SMARCA1: variants seen among roughly 807,000 people sequenced by gnomAD.
SMARCA1 encodes the protein SWI/SNF-related matrix-associated actin-dependent regulator of chromatin subfamily A member 1.
In SMARCA1, 17 loss-of-function variants were observed where a neutral mutation model predicts 93.6. The observed-to-expected ratio is 0.18, with a 90% CI of 0.12 to 0.27. The LOEUF (loss-of-function observed/expected upper bound fraction) is 0.27, where lower values mean the gene tolerates loss of function less well. Among genes scored for constraint, SMARCA1 ranks in the 10% least tolerant of loss-of-function variants. The pLI is 1.00. For missense variants in SMARCA1, 630 were observed against 819.0 expected (o/e 0.77, Z 2.82); for synonymous variants, 271 against 271.4 (o/e 1.00, Z 0.01).
At chrX:129,477,483 G>C (rs1293083041) in intron 19 of SMARCA1, among the ~76,000 whole-genome samples, 1 of 110,717 alleles carries the variant, frequency 9.0e-6, no homozygotes, top group African/African-American at 3.3e-5. Context: ...CTTGAACCCG[G>C]GAGGCAGAGG....
At chrX:129,482,511 G>C (rs925085617) in intron 17 of SMARCA1, among the ~76,000 whole-genome samples, 23 of 111,505 alleles carry the variant, frequency 2.1e-4, no homozygotes, top group Non-Finnish European at 4.0e-4. Context: ...CCAGGATTCT[G>C]CTACTTCACT....
rs1325524267 is a variant in SMARCA1, at chrX:129,497,875, C to T, written c.1474G>A (p.Asp492Asn). ...VSNSGKMVVL[D>N]KLLAKLKEQG... Reference sequence around the variant, plus strand: ...TCTTTGAGTTTGGCCAATAGTTTATCCAGAACTACCATTTTACCACTGTTG... The same window carrying T: ...TCTTTGAGTTTGGCCAATAGTTTATTCAGAACTACCATTTTACCACTGTTG... Residue 492 changes from aspartate to asparagine, a missense_variant, in exon 11 of 25, where the codon GAT becomes AAT. Asp to Asn is a conservative substitution (Grantham distance 23). Around this residue, in one of 4 missense-constraint regions of SMARCA1, gnomAD observed 382 missense variants for 537.9 expected, o/e 0.71. Transcript: ENST00000371121. 1 of 1,206,113 alleles carries T rather than the reference C, an allele frequency of 8.3e-7. No individual in the cohort carries two copies. The highest frequency in any genetic ancestry group is 1.1e-6 in the Non-Finnish European group (1 of 890,633).
chrX:129,506,708 AAAAAAAG>A (rs1424864343), intron 7 of SMARCA1, among the ~76,000 whole-genome samples: 2 of 93,955 alleles, frequency 2.1e-5, no homozygotes, highest in Non-Finnish European at 4.1e-5. Flanking sequence ...AAAAAAAAAA[AAAAAAAG>A]GAAGAAGAAT....
At chrX:129,467,003 CT>C (rs985537613) in intron 21 of SMARCA1, among the ~76,000 whole-genome samples, 7 of 111,916 alleles carry the variant, frequency 6.3e-5, no homozygotes, top group African/African-American at 1.3e-4. Flanking sequence ...CATCCTCAAG[CT>C]TTTCATTTTT....
intron 23 of SMARCA1, among the ~76,000 whole-genome samples, chrX:129,464,509 ACTG>A (rs1932861367): frequency 8.9e-6 from 1 of 112,620 alleles, no homozygotes; most frequent in Admixed American, 9.4e-5. Flanking sequence ...CATGAACACC[ACTG>A]CTAAGTAGGA....
intron 5 of SMARCA1, 48 bp from the exon 6 acceptor site, chrX:129,512,031 A>T (rs781487395): frequency 1.1e-5 from 11 of 1,010,356 alleles, no homozygotes; most frequent in Non-Finnish European, 1.5e-5. Flanking sequence ...TTTTTCTGTA[A>T]GGAAACATTT....
In SMARCA1 at chrX:129,516,453, T is replaced by C. The variant is rs904880718; in HGVS notation, c.306A>G (p.Thr102=). The C allele has an allele frequency of 1.7e-6, 2 of 1,207,455 alleles. No homozygotes were observed. The highest frequency in any genetic ancestry group is 3.5e-5 in the African/African-American group (2 of 57,257). The part of the protein sequence containing the change: ...AKRFEFLLKQ[T]ELFAHFIQPS... ...GCTGAATGAAATGTGCAAAAAGTTC[T>C]GTCTGCTTCAGTAAAAATTCAAATC... Residue 102 remains threonine, a synonymous_variant, in exon 3 of 25, where the codon ACA becomes ACG. Transcript: ENST00000371121.
intron 9 of SMARCA1, among the ~76,000 whole-genome samples, chrX:129,500,165 T>G (rs1934501297): frequency 3.6e-5 from 4 of 110,748 alleles, no homozygotes; most frequent in Admixed American, 1.9e-4. Context: ...CAAGATTTTT[T>G]TGTTTGTTTG....
chrX:129,511,298 G>C (rs181780297), intron 6 of SMARCA1, among the ~76,000 whole-genome samples: 1 of 111,621 alleles, frequency 9.0e-6, no homozygotes, highest in African/African-American at 3.2e-5. Flanking sequence ...CTGCGTCTAT[G>C]CATAAACACA....
intron 19 of SMARCA1, among the ~76,000 whole-genome samples, chrX:129,473,193 T>C (rs1322442041): frequency 5.4e-5 from 6 of 111,450 alleles, no homozygotes; most frequent in Non-Finnish European, 9.4e-5. Flanking sequence ...GAGTAAAGTG[T>C]CAAAATGTAG....
At chrX:129,495,260 A>C (rs1344490251) in intron 12 of SMARCA1, among the ~76,000 whole-genome samples, 1 of 112,883 alleles carries the variant, frequency 8.9e-6, no homozygotes, top group African/African-American at 3.2e-5. Context: ...TGTTTTTATT[A>C]ATCTTTCTTA....
Position 129,465,545 on chromosome X carries a change from C to T in SMARCA1, c.3005G>A (p.Trp1002Ter). Residue 1002 changes from tryptophan (W) to a stop codon, truncating the protein, a stop_gained, in exon 23 of 25, where the codon TGG (tryptophan) becomes TAG (stop). Coordinates refer to ENST00000371121, the MANE Select transcript of SMARCA1 (RefSeq NM_001282874.2). LOFTEE classifies it high-confidence loss of function. The part of the protein sequence containing the change: ...VRNAPQFRFD[W>*]FIKSRTAMEF... ...CATGGCAGTCCTAGACTTGATAAAC[C>T]AGTCAAATCTAAACTGGGGAGCATT... is the stretch of plus-strand genomic sequence containing the variant. 1 of 1,199,124 alleles carries T rather than the reference C, an allele frequency of 8.3e-7. No homozygotes were observed. The highest frequency in any genetic ancestry group is 1.8e-5 in the South Asian group (1 of 55,895).
chrX:129,514,025 G>A (rs1218277757), intron 5 of SMARCA1, among the ~76,000 whole-genome samples: 1 of 112,571 alleles, frequency 8.9e-6, no homozygotes, highest in Non-Finnish European at 1.9e-5. Flanking sequence ...TTATTAATTT[G>A]GTCTTAAAAT....
intron 19 of SMARCA1, among the ~76,000 whole-genome samples, chrX:129,477,160 G>A (rs190498230): frequency 3.9e-4 from 43 of 111,469 alleles, no homozygotes; most frequent in African/African-American, 1.3e-3. Context: ...CAGTCCAAGT[G>A]GCCACCATCT....
chrX:129,483,694 A>G (rs191310068), intron 17 of SMARCA1, among the ~76,000 whole-genome samples: 29 of 111,860 alleles, frequency 2.6e-4, no homozygotes, highest in African/African-American at 9.0e-4. Context: ...TCAACTTTCA[A>G]AAAAAAGAAT....
intron 23 of SMARCA1, among the ~76,000 whole-genome samples, chrX:129,462,219 T>C (rs1932818120): frequency 8.9e-6 from 1 of 112,339 alleles, no homozygotes; most frequent in Non-Finnish European, 1.9e-5. Flanking sequence ...ATTAGTAAGA[T>C]TTTCATTTGA....
chrX:129,457,635 G>A (rs181415451), intron 23 of SMARCA1, among the ~76,000 whole-genome samples: 17 of 112,178 alleles, frequency 1.5e-4, no homozygotes, highest in Admixed American at 1.1e-3. Context: ...TAGTTGTACA[G>A]CCTGTCTGAA....
chrX:129,480,303 A>G (rs1933592759), intron 19 of SMARCA1, among the ~76,000 whole-genome samples: 1 of 112,273 alleles, frequency 8.9e-6, no homozygotes, highest in African/African-American at 3.2e-5. Flanking sequence ...TCAGCAACGT[A>G]TAGGCAATAA....
chrX:129,503,823 G>A (rs1934662968), intron 9 of SMARCA1, among the ~76,000 whole-genome samples: 1 of 108,508 alleles, frequency 9.2e-6, no homozygotes, highest in South Asian at 4.1e-4. Flanking sequence ...TTAGCCGGGC[G>A]TGGTGGCACG....
Sources: gnomAD v4.1 joint callset for allele counts (sites outside exome capture counted in the v4.1 genomes callset) on GRCh38, gnomAD v4.1.1 for gene constraint, gnomAD v4.1.1 regional missense constraint, MANE v1.5 for transcripts, NCBI Gene and HGNC (gene_info 2026-07-23, HGNC 2026-07-21) for gene names.